The following DPH6 variants were observed in gnomAD, a reference collection of about 807,000 sequenced individuals.
DPH6 encodes the protein diphthine--ammonia ligase.
In DPH6, 33 loss-of-function variants were observed where a neutral mutation model predicts 38.2. The ratio of observed to expected loss-of-function variants is 0.86; its 90% CI spans 0.65 to 1.15. The LOEUF (loss-of-function observed/expected upper bound fraction) is 1.15. Ranked by LOEUF, DPH6 falls within the 50% of genes most tolerant of loss-of-function variation. DPH6 has a pLI of 0.00. For missense variants in DPH6, 325 were observed against 320.0 expected, an observed-to-expected ratio of 1.02 and a Z score of -0.12; for synonymous variants, 108 against 103.0, an observed-to-expected ratio of 1.05 and a Z score of -0.30.
downstream of DPH6, among the ~76,000 whole-genome samples, chr15:35,368,599 G>T (rs1197811122): frequency 6.6e-6 from 1 of 151,800 alleles, no homozygotes; most frequent in Admixed American, 6.6e-5. Flanking sequence ...ATAAGCATGG[G>T]GATGGAAATA....
At chr15:35,471,143 T>TCATGTTAG (rs2054193848) in intron 3 of DPH6, among the ~76,000 whole-genome samples, 1 of 152,178 alleles carries the variant, frequency 6.6e-6, no homozygotes, top group Non-Finnish European at 1.5e-5. Flanking sequence ...GTGAAGGTGC[T>TCATGTTAG]CAATCATAAA....
At chr15:35,416,077 C>A (rs1178826651) in intron 5 of DPH6, among the ~76,000 whole-genome samples, 1 of 151,894 alleles carries the variant, frequency 6.6e-6, no homozygotes, top group African/African-American at 2.4e-5. Context: ...CCCTGGGCCA[C>A]ACTGGAAGAA....
At chr15:35,484,887 A>C (rs1489711155) in intron 3 of DPH6, among the ~76,000 whole-genome samples, 1 of 152,236 alleles carries the variant, frequency 6.6e-6, no homozygotes, top group Non-Finnish European at 1.5e-5. Flanking sequence ...TTAAATAGAA[A>C]GAGAAAATAC....
the DPH6 span, among the ~76,000 whole-genome samples, chr15:35,210,058 A>G: frequency 6.6e-6 from 1 of 152,200 alleles, no homozygotes; most frequent in Admixed American, 6.5e-5. Context: ...TGTAGCTTCC[A>G]GGATTTTCAG....
intron 3 of DPH6, among the ~76,000 whole-genome samples, chr15:35,497,291 A>C (rs1407561498): frequency 2.0e-5 from 3 of 152,224 alleles, no homozygotes; most frequent in African/African-American, 7.2e-5. Context: ...AAATAAATTA[A>C]TATGAGAAAT....
At chr15:35,202,749 T>C in the DPH6 span, among the ~76,000 whole-genome samples, 1 of 151,822 alleles carries the variant, frequency 6.6e-6, no homozygotes, top group East Asian at 1.9e-4. Flanking sequence ...ATATAATTTT[T>C]AAATGCGTTT....
chr15:35,222,468 A>T (rs1303994894), intron 3 of DPH6, among the ~76,000 whole-genome samples: 1 of 152,134 alleles, frequency 6.6e-6, no homozygotes, highest in African/African-American at 2.4e-5. Flanking sequence ...CATTTTAGGG[A>T]GACATGAGAC....
intron 3 of DPH6, among the ~76,000 whole-genome samples, chr15:35,337,055 G>A (rs933161884): frequency 2.0e-5 from 3 of 152,182 alleles, no homozygotes; most frequent in South Asian, 4.2e-4. Flanking sequence ...GGCAGAATTC[G>A]GCTGTGAATC....
chr15:35,404,769 G>A (rs944519851), intron 6 of DPH6, among the ~76,000 whole-genome samples: 1 of 151,996 alleles, frequency 6.6e-6, no homozygotes, highest in Non-Finnish European at 1.5e-5. Context: ...TGCCTGGTTG[G>A]GGGGTGGTAT....
Position 35,242,417 on chromosome 15 carries a change from C to G in DPH6, n.201-21835G>C, listed in dbSNP as rs1434896531. ...GTTTTAGCCTAGCCCTCATGTCTGC[C>G]TGCAGCGGCTGCCGCTGCTTTAATA... On this transcript the variant is annotated intron_variant and non_coding_transcript_variant, in intron 3 of 3. Coordinates refer to the DPH6 transcript ENST00000560386. Among the ~76,000 whole-genome samples the G allele has an allele frequency of 2.1e-5, 3 of 142,766 alleles. 1 individual carries two copies. Among genetic ancestry groups the G allele is most frequent in the African/African-American group, 7.7e-5 (3 of 39,136 alleles). The allele number at this position is 142,766 out of a possible 152,430, so 93.7% of individuals were successfully genotyped here.
chr15:35,414,823 T>G (rs1378879663), intron 5 of DPH6, among the ~76,000 whole-genome samples: 1 of 151,900 alleles, frequency 6.6e-6, no homozygotes, highest in Admixed American at 6.6e-5. Context: ...ATGTTTCATT[T>G]CTAAAATTTC....
At chr15:35,407,949 T>C (rs552458777) in intron 6 of DPH6, among the ~76,000 whole-genome samples, 1 of 151,934 alleles carries the variant, frequency 6.6e-6, no homozygotes, top group Non-Finnish European at 1.5e-5. Flanking sequence ...GGGTATGATA[T>C]GATTTACACT....
At chr15:35,521,523 T>C in intron 3 of DPH6, 2 of 1,220,558 alleles carry the variant, frequency 1.6e-6, no homozygotes, top group Non-Finnish European at 2.0e-6. Flanking sequence ...CTATGAAGAG[T>C]TGTGTTCAAT....
At chr15:35,218,453 T>C (rs2051422756) in exon 4 of DPH6, 1 of 152,234 alleles carries the variant, frequency 6.6e-6, no homozygotes, top group Non-Finnish European at 1.5e-5. Context: ...TCAGTCAATA[T>C]AAGTAAGCAT....
chr15:35,385,845 C>A (rs546190107), intron 6 of DPH6, among the ~76,000 whole-genome samples: 52 of 152,046 alleles, frequency 3.4e-4, no homozygotes, highest in African/African-American at 1.2e-3. Context: ...TATTGTTTCA[C>A]ATTTTTTTTT....
chr15:35,310,395 T>C lies in DPH6; in HGVS notation n.200+63126A>G, dbSNP rs72708939. Among the ~76,000 whole-genome samples the C allele has an allele frequency of 8.6e-3, 1,302 of 152,272 alleles. 16 individuals are homozygous for C. The highest frequency in any genetic ancestry group is 0.024 in the African/African-American group (979 of 41,546). ...GGGTAGGCAGTCCAGCCTTGCATGC[T>C]CTGTGGCTTCTCTCATTTTACCTGA... On this transcript the variant is annotated intron_variant and non_coding_transcript_variant, in intron 3 of 3. Coordinates refer to the DPH6 transcript ENST00000560386.
intron 3 of DPH6, among the ~76,000 whole-genome samples, chr15:35,342,280 T>C (rs940506075): frequency 6.6e-6 from 1 of 152,240 alleles, no homozygotes; most frequent in Non-Finnish European, 1.5e-5. Flanking sequence ...CAGTTCTGTG[T>C]ATCAGACGCA....
chr15:35,282,966 A>T, intron 3 of DPH6: 1 of 297,556 alleles, frequency 3.4e-6, no homozygotes, highest in Non-Finnish European at 7.0e-6. Flanking sequence ...CTTGGCCTGC[A>T]CATCTTGAGC....
chr15:35,206,981 A>G, the DPH6 span, among the ~76,000 whole-genome samples: 2 of 152,100 alleles, frequency 1.3e-5, no homozygotes, highest in South Asian at 4.1e-4. Context: ...AAGATATGGA[A>G]AAAGGAGAAA....
Sources: allele counts gnomAD v4.1 joint callset (sites outside exome capture counted in the v4.1 genomes callset), GRCh38; gene constraint gnomAD v4.1.1; transcripts MANE v1.5; gene names NCBI Gene and HGNC (gene_info 2026-07-23, HGNC 2026-07-21).